Variants in WT1 observed in about 807,000 individuals in gnomAD.
WT1 encodes the protein Wilms tumor protein.
A neutral mutation model predicts 60.8 loss-of-function variants in WT1; 8 were observed. That is an observed-to-expected ratio of 0.13 (90% confidence interval 0.08 to 0.24). The LOEUF (loss-of-function observed/expected upper bound fraction) is 0.24. WT1 is among the 10% of genes least tolerant of loss of function. WT1 has a pLI of 1.00. For synonymous variants in WT1, 312 were observed against 297.1 expected (o/e 1.05, Z -0.52); for missense variants, 568 against 711.8 (o/e 0.80, Z 2.30).
intron 3 of WT1, among the ~76,000 whole-genome samples, chr11:32,418,347 A>G (rs1852746572): frequency 6.6e-6 from 1 of 152,144 alleles, no homozygotes; most frequent in South Asian, 2.1e-4. Flanking sequence ...ATGTAAACCA[A>G]CAAAAAGCTG....
chr11:32,430,696 C>T lies in WT1; in HGVS notation c.662-2077G>A, dbSNP rs577579117. The T allele has an allele frequency of 2.7e-3, 3,739 of 1,378,818 alleles. 4 individuals carry two copies. Among genetic ancestry groups the T allele is most frequent in the Non-Finnish European group, 3.2e-3 (3,418 of 1,074,188 alleles). The allele number at this position is 1,378,818 out of a possible 1,614,324, so 85.4% of individuals were successfully genotyped here. A position where few individuals can be genotyped will look rare whatever the true frequency, so the allele number is the denominator to read the frequency against. ...CCCCAGAACTCGGGCCCAAGGATGCCCGTGGCCCGCGAGCCCTCCTAGGCC... is the reference window on the plus strand; with the variant it reads ...CCCCAGAACTCGGGCCCAAGGATGCTCGTGGCCCGCGAGCCCTCCTAGGCC... On this transcript the variant is annotated intron_variant, in intron 1 of 9. Coordinates refer to ENST00000452863, the MANE Select transcript of WT1 (RefSeq NM_024426.6).
chr11:32,396,529 C>T (rs977232805), intron 6 of WT1, 122 bp from the exon 7 acceptor site: 4 of 1,289,546 alleles, frequency 3.1e-6, no homozygotes, highest in Non-Finnish European at 4.4e-6. Context: ...AGACCTAAAA[C>T]CACTCCCATT....
chr11:32,432,833 G>A (rs1853358271), intron 1 of WT1, among the ~76,000 whole-genome samples: 2 of 152,186 alleles, frequency 1.3e-5, no homozygotes, highest in Admixed American at 1.3e-4. Context: ...CAGAACCCAG[G>A]TTTCAAAAAT....
chr11:32,433,362 T>G (rs964772283), intron 1 of WT1, among the ~76,000 whole-genome samples: 1 of 152,240 alleles, frequency 6.6e-6, no homozygotes, highest in Non-Finnish European at 1.5e-5. Flanking sequence ...TCTCCAAGGC[T>G]TCGCGGGGGC....
Position 32,427,272 on chromosome 11 carries a change from G to T in WT1, c.887+684C>A, listed in dbSNP as rs79466583. Among the ~76,000 whole-genome samples the T allele has an allele frequency of 3.2e-4, 48 of 152,378 alleles. 1 individual carries two copies. In the East Asian group the frequency reaches 8.5e-3, roughly 27 times the overall value. On this transcript the variant is annotated intron_variant, in intron 3 of 9. Coordinates refer to ENST00000452863, the MANE Select transcript of WT1 (RefSeq NM_024426.6). Reference sequence around the variant, plus strand: ...TGAAGAAAAAATTTGGGGGAGAGAAGGTGGAGCGAGAGGCGAGAAGAGGAA... The same window carrying T: ...TGAAGAAAAAATTTGGGGGAGAGAATGTGGAGCGAGAGGCGAGAAGAGGAA...
intron 6 of WT1, among the ~76,000 whole-genome samples, chr11:32,397,441 G>A (rs950184285): frequency 6.6e-6 from 1 of 151,394 alleles, no homozygotes; most frequent in Non-Finnish European, 1.5e-5. Context: ...TCAGCCTCCT[G>A]AACAGCTGGG....
At position 32,428,739 on chromosome 11, in the gene WT1, G is replaced by C. The variant is rs564401206; in HGVS notation, c.662-120C>G. 2.1e-5 allele frequency: 31 copies of C among 1,488,666 alleles called. No individual in the cohort carries two copies. In the East Asian group the frequency reaches 4.4e-4, roughly 21 times the overall value. 92.2% of individuals were successfully genotyped at this position (1,488,666 alleles called of 1,614,324 possible). On this transcript the variant is annotated intron_variant, in intron 1 of 9. Coordinates refer to ENST00000452863, the MANE Select transcript of WT1 (RefSeq NM_024426.6). ...TGAACCCCGCATTCGGACCCCCAGC[G>C]GAGGAGAATCCAGCCCCACAAGCCT... is the stretch of plus-strand genomic sequence containing the variant.
chr11:32,407,309 T>A (rs1852344965), intron 5 of WT1, among the ~76,000 whole-genome samples: 2 of 152,230 alleles, frequency 1.3e-5, no homozygotes, highest in Admixed American at 1.3e-4. Flanking sequence ...TAGAAATGAT[T>A]AACTTTGATA....
chr11:32,425,067 A>G (rs754102349), intron 3 of WT1, among the ~76,000 whole-genome samples: 7 of 151,922 alleles, frequency 4.6e-5, no homozygotes, highest in Non-Finnish European at 1.0e-4. Flanking sequence ...AATCTCAGCT[A>G]CTTGGGAGGC....
intron 5 of WT1, among the ~76,000 whole-genome samples, chr11:32,405,690 T>C (rs1306532872): frequency 1.3e-5 from 2 of 152,144 alleles, no homozygotes; most frequent in Admixed American, 1.3e-4. Flanking sequence ...ACTTCCCGCA[T>C]CAGACTGATG....
At position 32,427,989 on chromosome 11, in the gene WT1, C is replaced by G. The variant is rs779813097; in HGVS notation, c.854G>C (p.Ser285Thr). The change falls in exon 3 of 10, where the codon AGC (serine) becomes ACC (threonine). Residue 285 changes from serine (S) to threonine (T), a missense_variant. This residue lies in a region of WT1 where 523 missense variants were observed against 565.1 expected (regional missense o/e 0.93). Transcript: ENST00000452863. ...GGGCGTCCTCAGCAGCAAAGCCTGGCTGCCGGTGCAGCTGTCGGTGGGGGT... is the reference window on the plus strand; with the variant it reads ...GGGCGTCCTCAGCAGCAAAGCCTGGGTGCCGGTGCAGCTGTCGGTGGGGGT... 6.2e-7 allele frequency: 1 copy of G among 1,611,948 alleles called. No individual in the cohort carries two copies. The highest frequency in any genetic ancestry group is 8.5e-7 in the Non-Finnish European group (1 of 1,179,208).
rs776489080 is a variant in WT1, at chr11:32,416,486, T to C, written c.1016+4A>G. The C allele has an allele frequency of 1.2e-6, 2 of 1,614,086 alleles. No individual in the cohort carries two copies. The highest frequency in any genetic ancestry group is 2.2e-5 in the South Asian group (2 of 91,080). ...GCTTTGCCATCTCCGCATTGTCCAC[T>C]CACTTGCTCTGCCCTTCTGTCCATT... On this transcript the variant is annotated splice_donor_region_variant and intron_variant, in intron 5 of 9. Coordinates refer to ENST00000452863, the MANE Select transcript of WT1 (RefSeq NM_024426.6).
chr11:32,415,401 C>A (rs964456271), intron 5 of WT1, among the ~76,000 whole-genome samples: 12 of 152,228 alleles, frequency 7.9e-5, no homozygotes, highest in Admixed American at 5.2e-4. Flanking sequence ...GTAATCCCAG[C>A]ACTTCGGGAG....
rs1853436844 is a variant in WT1, at chr11:32,434,773, G to T, written c.588C>A (p.Gly196=). The T allele has an allele frequency of 5.0e-6, 8 of 1,612,574 alleles. No homozygotes were observed. The highest frequency in any genetic ancestry group is 6.8e-6 in the Non-Finnish European group (8 of 1,179,820). The change falls in exon 1 of 10, where the codon GGC becomes GGA. Residue 196 remains glycine (G), a synonymous_variant. Transcript: ENST00000452863. Reference sequence around the variant, plus strand: ...GCGCGTTAGGAAACATCCTGGCCTGGCCGGATGACGCCTGGCTGGGCGGAG... The same window carrying T: ...GCGCGTTAGGAAACATCCTGGCCTGTCCGGATGACGCCTGGCTGGGCGGAG...
chr11:32,395,907 C>T (rs917039235), intron 7 of WT1, among the ~76,000 whole-genome samples: 2 of 152,146 alleles, frequency 1.3e-5, no homozygotes, highest in African/African-American at 4.8e-5. Context: ...CATCGACCTC[C>T]TAAAACCATC....
chr11:32,405,246 C>T (rs1053600791), intron 5 of WT1, among the ~76,000 whole-genome samples: 2 of 152,152 alleles, frequency 1.3e-5, no homozygotes, highest in African/African-American at 4.8e-5. Flanking sequence ...CAGCCAATAA[C>T]TGTAAACAAT....
rs531076591 is a variant in WT1 at position 32,434,932 on chromosome 11, G to A, written c.429C>T (p.Ser143=). 6.3e-7 allele frequency: 1 copy of A among 1,597,140 alleles called. No homozygotes were observed. Among genetic ancestry groups the A allele is most frequent in the East Asian group, 2.3e-5 (1 of 44,308 alleles). The change falls in exon 1 of 10, where the codon TCC becomes TCT. Residue 143 remains serine (S), a synonymous_variant. Coordinates refer to ENST00000452863, the MANE Select transcript of WT1 (RefSeq NM_024426.6). ...CCCAGCTCGGCTCCTGTTTGATGAAGGAGTGAGGCGGCGGCGGCGGGGGTG... is the reference window on the plus strand; with the variant it reads ...CCCAGCTCGGCTCCTGTTTGATGAAAGAGTGAGGCGGCGGCGGCGGGGGTG...
intron 2 of WT1, 113 bp downstream of exon 2, chr11:32,428,384 G>A: frequency 6.5e-7 from 1 of 1,549,104 alleles, no homozygotes; most frequent in Non-Finnish European, 8.7e-7. Flanking sequence ...GATTTCTAAG[G>A]TCCTTTTAGA....
intron 3 of WT1, among the ~76,000 whole-genome samples, chr11:32,423,661 C>A (rs1852926659): frequency 6.6e-6 from 1 of 152,188 alleles, no homozygotes; most frequent in Non-Finnish European, 1.5e-5. Flanking sequence ...AATTTGAACA[C>A]CACTTCCGTC....
Sources: allele counts gnomAD v4.1 joint callset (sites outside exome capture counted in the v4.1 genomes callset), GRCh38; gene constraint gnomAD v4.1.1; regional missense constraint gnomAD v4.1.1; transcripts MANE v1.5; gene names NCBI Gene and HGNC (gene_info 2026-07-23, HGNC 2026-07-21).